PRR16: variants seen among roughly 807,000 people sequenced by gnomAD.
PRR16 encodes the protein protein Largen.
A neutral mutation model predicts 18.2 loss-of-function variants in PRR16; 6 were observed. The ratio of observed to expected loss-of-function variants is 0.33; its 90% CI spans 0.18 to 0.65. The LOEUF (loss-of-function observed/expected upper bound fraction) is 0.65, where lower values mean the gene tolerates loss of function less well. Ranked by LOEUF, PRR16 falls within the 30% of genes least tolerant of loss-of-function variation. PRR16 has a pLI of 0.74. For synonymous variants in PRR16, 151 were observed against 147.8 expected, an observed-to-expected ratio of 1.02 and a Z score of -0.16; for missense variants, 412 against 376.6, an observed-to-expected ratio of 1.09 and a Z score of -0.78.
At chr5:120,570,582 C>T (rs1487686015) in intron 1 of PRR16, among the ~76,000 whole-genome samples, 2 of 152,188 alleles carry the variant, frequency 1.3e-5, no homozygotes, top group African/African-American at 4.8e-5. Flanking sequence ...ATACATAATA[C>T]AGTAGAAGAC....
At chr5:120,599,628 G>A (rs1429108564) in intron 1 of PRR16, among the ~76,000 whole-genome samples, 24 of 151,646 alleles carry the variant, frequency 1.6e-4, no homozygotes, top group Non-Finnish European at 3.1e-4. Context: ...TACTGATTTT[G>A]TTGCCTAGAT....
chr5:120,621,522 A>G (rs1394433942), intron 1 of PRR16, among the ~76,000 whole-genome samples: 1 of 152,114 alleles, frequency 6.6e-6, no homozygotes, highest in Non-Finnish European at 1.5e-5. Context: ...TGATAAAATT[A>G]GGCTTTGCAT....
At chr5:120,762,895 T>C in the PRR16 span, among the ~76,000 whole-genome samples, 1 of 152,160 alleles carries the variant, frequency 6.6e-6, no homozygotes, top group African/African-American at 2.4e-5. Context: ...ACTAACATTG[T>C]AACTTGAGAT....
In PRR16 at chr5:120,549,831, T is replaced by G. The variant is rs146799030; in HGVS notation, c.159+85186T>G. On this transcript the variant is annotated intron_variant, in intron 1 of 1. Coordinates refer to ENST00000407149, the MANE Select transcript of PRR16 (RefSeq NM_001300783.2). Reference sequence around the variant, plus strand: ...ATCCACAGAAACATTGCCAGACACCTAGGGATACAATGCAGAGTAAAAGTA... The same window carrying G: ...ATCCACAGAAACATTGCCAGACACCGAGGGATACAATGCAGAGTAAAAGTA... Among the ~76,000 whole-genome samples the G allele has an allele frequency of 4.2e-3, 633 of 152,160 alleles. 4 individuals are homozygous for G. The highest frequency in any genetic ancestry group is 7.2e-3 in the Non-Finnish European group (489 of 67,954).
At chr5:120,607,273 T>G (rs966378906) in intron 1 of PRR16, among the ~76,000 whole-genome samples, 1 of 152,216 alleles carries the variant, frequency 6.6e-6, no homozygotes, top group Non-Finnish European at 1.5e-5. Context: ...TTTTCCCCTT[T>G]TACTGAAAAG....
At chr5:120,608,709 G>A (rs940358745) in intron 1 of PRR16, among the ~76,000 whole-genome samples, 1 of 152,106 alleles carries the variant, frequency 6.6e-6, no homozygotes, top group East Asian at 1.9e-4. Flanking sequence ...TTTAAAAAGT[G>A]TATTGCAGCA....
intron 1 of PRR16, among the ~76,000 whole-genome samples, chr5:120,680,969 A>G (rs1278504347): frequency 6.6e-6 from 1 of 152,172 alleles, no homozygotes; most frequent in African/African-American, 2.4e-5. Flanking sequence ...TGCTTAAGAA[A>G]GATTTGGACT....
At chr5:120,474,647 T>C (rs1371385742) in intron 1 of PRR16, among the ~76,000 whole-genome samples, 1 of 152,160 alleles carries the variant, frequency 6.6e-6, no homozygotes, top group East Asian at 1.9e-4. Flanking sequence ...CCTCATTCTT[T>C]TTCCCTTAAT....
chr5:120,533,063 G>A (rs1241102043), intron 1 of PRR16, among the ~76,000 whole-genome samples: 1 of 152,066 alleles, frequency 6.6e-6, no homozygotes, highest in Non-Finnish European at 1.5e-5. Flanking sequence ...CACCTTGTGG[G>A]GGCTACGGCA....
At chr5:120,561,987 T>G (rs1752589400) in intron 1 of PRR16, among the ~76,000 whole-genome samples, 1 of 152,094 alleles carries the variant, frequency 6.6e-6, no homozygotes, top group South Asian at 2.1e-4. Context: ...ATATAATAGG[T>G]TTATTGTTTT....
chr5:120,791,086 A>T, the PRR16 span, among the ~76,000 whole-genome samples: 3 of 152,090 alleles, frequency 2.0e-5, no homozygotes, highest in African/African-American at 7.2e-5. Flanking sequence ...GTCATTTGTA[A>T]TTTGTATTTG....
chr5:120,468,639 C>A (rs923351297), intron 1 of PRR16, among the ~76,000 whole-genome samples: 3 of 152,094 alleles, frequency 2.0e-5, no homozygotes, highest in African/African-American at 7.2e-5. Flanking sequence ...TAGCAATATG[C>A]CTGTTCTTTT....
chr5:120,703,868 C>T, the PRR16 span, among the ~76,000 whole-genome samples: 1 of 152,116 alleles, frequency 6.6e-6, no homozygotes, highest in South Asian at 2.1e-4. Flanking sequence ...TAATTTAAGG[C>T]CCACATAAAT....
the PRR16 span, among the ~76,000 whole-genome samples, chr5:120,740,481 C>T: frequency 3.3e-5 from 5 of 152,024 alleles, no homozygotes; most frequent in South Asian, 1.0e-3. Context: ...TTGAAAATAC[C>T]ACACTTTAGT....
At chr5:120,549,966 C>CT (rs1252566584) in intron 1 of PRR16, among the ~76,000 whole-genome samples, 7 of 151,926 alleles carry the variant, frequency 4.6e-5, no homozygotes, top group Non-Finnish European at 1.0e-4. Flanking sequence ...TAAAGGATGA[C>CT]TAAGGGGATG....
intron 1 of PRR16, among the ~76,000 whole-genome samples, chr5:120,677,700 G>C (rs1292316372): frequency 6.6e-6 from 1 of 152,058 alleles, no homozygotes; most frequent in African/African-American, 2.4e-5. Flanking sequence ...TGTTGACAAG[G>C]AGGAGCTAAA....
chr5:120,640,546 G>C (rs895642475), intron 1 of PRR16, among the ~76,000 whole-genome samples: 2 of 151,992 alleles, frequency 1.3e-5, no homozygotes, highest in Non-Finnish European at 2.9e-5. Context: ...TATATTCTGA[G>C]GAAAAATAGT....
intron 1 of PRR16, among the ~76,000 whole-genome samples, chr5:120,552,841 A>G (rs939256961): frequency 1.3e-5 from 2 of 151,850 alleles, no homozygotes; most frequent in African/African-American, 4.8e-5. Flanking sequence ...TTTGGCACAC[A>G]TTTCCTATTG....
chr5:120,654,848 A>T (rs1376507681), intron 1 of PRR16, among the ~76,000 whole-genome samples: 1 of 151,918 alleles, frequency 6.6e-6, no homozygotes, highest in Non-Finnish European at 1.5e-5. Flanking sequence ...AATGAGGGAA[A>T]AAAAGATAAA....
Sources: gnomAD v4.1 joint callset for allele counts (sites outside exome capture counted in the v4.1 genomes callset) on GRCh38, gnomAD v4.1.1 for gene constraint, MANE v1.5 for transcripts, NCBI Gene and HGNC (gene_info 2026-07-23, HGNC 2026-07-21) for gene names.